The following PRKD3 variants were observed in gnomAD, a reference collection of about 807,000 sequenced individuals.
PRKD3 encodes the protein protein kinase D3.
PRKD3 carries 47 observed loss-of-function variants against 99.2 expected under a neutral mutation model. The observed-to-expected ratio is 0.47, with a 90% CI of 0.38 to 0.60. The LOEUF is 0.60. Ranked by LOEUF, PRKD3 falls within the 20% of genes least tolerant of loss-of-function variation. The pLI, the probability that PRKD3 is intolerant of heterozygous loss-of-function variation, is 0.00. For missense variants in PRKD3, 1,019 were observed against 1,088.4 expected (o/e 0.94, Z 0.90); for synonymous variants, 392 against 355.4 (o/e 1.10, Z -1.16).
chr2:37,303,888 C>T (rs1671046564), intron 2 of PRKD3, among the ~76,000 whole-genome samples: 1 of 152,096 alleles, frequency 6.6e-6, no homozygotes, highest in African/African-American at 2.4e-5. Flanking sequence ...GCTTCATAAA[C>T]ATACACACAA....
rs770650024 is a variant in PRKD3 at position 37,253,215 on chromosome 2, T to TA, written c.2634dup (p.Met879TyrfsTer4). On this transcript the variant is annotated frameshift_variant, in exon 19 of 19. Coordinates refer to ENST00000234179, the MANE Select transcript of PRKD3 (RefSeq NM_005813.6). LOFTEE classifies it high-confidence loss of function. Reference sequence around the variant, plus strand: ...TCCATATCATCTGGATTAGGAGCCATAATGAAGTGCTTTGGGTATACAAGG... The same window carrying TA: ...TCCATATCATCTGGATTAGGAGCCATAAATGAAGTGCTTTGGGTATACAAGG... The TA allele has an allele frequency of 6.2e-7, 1 of 1,611,884 alleles. No homozygotes were observed. The highest frequency in any genetic ancestry group is 1.7e-5 in the Admixed American group (1 of 59,856).
intron 1 of PRKD3, among the ~76,000 whole-genome samples, chr2:37,318,230 A>T (rs936032060): frequency 3.9e-5 from 6 of 152,206 alleles, no homozygotes; most frequent in Non-Finnish European, 7.3e-5. Context: ...AAAAACTGAG[A>T]CTTTAAAAAA....
intron 2 of PRKD3, among the ~76,000 whole-genome samples, chr2:37,297,530 AT>A (rs1217343644): frequency 1.3e-5 from 2 of 152,034 alleles, no homozygotes; most frequent in African/African-American, 2.4e-5. Flanking sequence ...AGATTTCCTT[AT>A]TTTTACCTAA....
chr2:37,272,239 G>C (rs930388169), intron 12 of PRKD3, 141 bp downstream of exon 12: 2 of 1,268,990 alleles, frequency 1.6e-6, no homozygotes, highest in African/African-American at 3.2e-5. Flanking sequence ...CTATAAAGCA[G>C]AACTCCTTAG....
chr2:37,291,320 A>C (rs753184221), intron 3 of PRKD3, among the ~76,000 whole-genome samples: 2 of 152,238 alleles, frequency 1.3e-5, no homozygotes, highest in African/African-American at 2.4e-5. Context: ...ACACAGTGGG[A>C]AATAGAACAC....
chr2:37,259,458 TA>T, intron 16 of PRKD3, 124 bp downstream of exon 16: 1 of 584,198 alleles, frequency 1.7e-6, no homozygotes, highest in Non-Finnish European at 3.0e-6. Flanking sequence ...AGTTACAGGC[TA>T]AAAACTATTT....
chr2:37,316,267 C>T lies in PRKD3; in HGVS notation c.258G>A (p.Lys86=), dbSNP rs765588238. Reference sequence around the variant, plus strand: ...GATAAACTATGGAGCACACAAGATCCTTGACAGCAGATAAAGACAGTTCCT... The same window carrying T: ...GATAAACTATGGAGCACACAAGATCTTTGACAGCAGATAAAGACAGTTCCT... ...EAQELSLSAV[K]DLVCSIVYQK... is the part of the protein sequence containing the mutation. The change falls in exon 2 of 19, where the codon AAG becomes AAA. Residue 86 remains lysine, a synonymous_variant. Coordinates refer to ENST00000234179, the MANE Select transcript of PRKD3 (RefSeq NM_005813.6). The T allele has an allele frequency of 3.1e-6, 5 of 1,614,114 alleles. No individual in the cohort carries two copies. Among genetic ancestry groups the T allele is most frequent in the Non-Finnish European group, 2.5e-6 (3 of 1,179,948 alleles).
At chr2:37,257,134 T>C (rs1189264696) in intron 16 of PRKD3, among the ~76,000 whole-genome samples, 1 of 152,208 alleles carries the variant, frequency 6.6e-6, no homozygotes, top group Non-Finnish European at 1.5e-5. Context: ...ACTGACACAG[T>C]ATGAAGAGCT....
At position 37,279,820 on chromosome 2, in the gene PRKD3, T is replaced by C. The variant is rs747498419; in HGVS notation, c.1098A>G (p.Pro366=). ...GATCCAAGAAGAACATCTTATCTTCTGGGGGTGATGGCTCTTCTGTGTCAT... is the reference window on the plus strand; with the variant it reads ...GATCCAAGAAGAACATCTTATCTTCCGGGGGTGATGGCTCTTCTGTGTCAT... ...GLDDTEEPSP[P]EDKMFFLDPS... is the part of the protein sequence containing the mutation. Residue 366 remains proline, a synonymous_variant, in exon 8 of 19, where the codon CCA becomes CCG. Coordinates refer to ENST00000234179, the MANE Select transcript of PRKD3 (RefSeq NM_005813.6). 4 of 1,613,848 alleles carry C rather than the reference T, an allele frequency of 2.5e-6. No homozygotes were observed. In the African/African-American group the frequency reaches 5.3e-5, roughly 22 times the overall value.
At chr2:37,319,669 A>G (rs1271885291) in intron 1 of PRKD3, among the ~76,000 whole-genome samples, 1 of 152,026 alleles carries the variant, frequency 6.6e-6, no homozygotes, top group Non-Finnish European at 1.5e-5. Flanking sequence ...AGAACACATC[A>G]GCATCCGTCT....
At chr2:37,315,524 C>G (rs781732153) in intron 2 of PRKD3, among the ~76,000 whole-genome samples, 8 of 152,148 alleles carry the variant, frequency 5.3e-5, no homozygotes, top group Non-Finnish European at 1.0e-4. Flanking sequence ...GGCCAGAACA[C>G]AGGGTACCTA....
chr2:37,313,247 G>C (rs1671516739), intron 2 of PRKD3, among the ~76,000 whole-genome samples: 1 of 151,682 alleles, frequency 6.6e-6, no homozygotes, highest in Non-Finnish European at 1.5e-5. Context: ...TGAGCACCCT[G>C]TGTTCCAATA....
At chr2:37,276,065 T>C (rs1669553813) in intron 9 of PRKD3, among the ~76,000 whole-genome samples, 1 of 152,122 alleles carries the variant, frequency 6.6e-6, no homozygotes, top group South Asian at 2.1e-4. Flanking sequence ...AGGCAAAGCA[T>C]GTTATCAGGT....
At chr2:37,269,445 G>A in intron 13 of PRKD3, 170 bp downstream of exon 13, 2 of 611,538 alleles carry the variant, frequency 3.3e-6, no homozygotes, top group Admixed American at 2.8e-5. Context: ...GACATTAAGG[G>A]AAGAATACTC....
Position 37,286,250 on chromosome 2 carries a change from G to A in PRKD3, c.837C>T (p.Tyr279=). The A allele has an allele frequency of 2.5e-6, 4 of 1,614,130 alleles. No individual in the cohort carries two copies. The highest frequency in any genetic ancestry group is 2.2e-5 in the East Asian group (1 of 44,872). The change falls in exon 6 of 19, where the codon TAC becomes TAT. Residue 279 remains tyrosine, a synonymous_variant. Transcript: ENST00000234179. Reference sequence around the variant, plus strand: ...AGTACTGACATATCGTGGGACGGGTGTAAGAGTGAACAGCAAATGTGTGTG... The same window carrying A: ...AGTACTGACATATCGTGGGACGGGTATAAGAGTGAACAGCAAATGTGTGTG... ...KVPHTFAVHS[Y]TRPTICQYCK... is the part of the protein sequence containing the mutation.
chr2:37,280,036 G>T, intron 7 of PRKD3, 107 bp from the exon 8 acceptor site: 82 of 593,624 alleles, frequency 1.4e-4, no homozygotes, highest in Non-Finnish European at 2.0e-4. Flanking sequence ...ATCTTTATGA[G>T]TTAAGTAAAG....
At chr2:37,312,814 C>T (rs973995437) in intron 2 of PRKD3, among the ~76,000 whole-genome samples, 8 of 152,026 alleles carry the variant, frequency 5.3e-5, no homozygotes, top group East Asian at 1.9e-4. Context: ...TATTGGTTGA[C>T]GAAAATGTGA....
intron 17 of PRKD3, 61 bp from the exon 18 acceptor site, chr2:37,254,350 G>C (rs1306312224): frequency 8.3e-6 from 11 of 1,325,920 alleles, no homozygotes; most frequent in Middle Eastern, 1.8e-4. Context: ...CCAAACTTGT[G>C]ACTGCCTAGA....
intron 2 of PRKD3, among the ~76,000 whole-genome samples, chr2:37,311,379 G>A (rs1449118261): frequency 6.6e-6 from 1 of 152,090 alleles, no homozygotes; most frequent in Non-Finnish European, 1.5e-5. Flanking sequence ...TTCTTTTCTA[G>A]AGCATAAATC....
Sources: allele counts gnomAD v4.1 joint callset (sites outside exome capture counted in the v4.1 genomes callset), GRCh38; gene constraint gnomAD v4.1.1; transcripts MANE v1.5; gene names NCBI Gene and HGNC (gene_info 2026-07-23, HGNC 2026-07-21).